ANAPC4: variants seen among roughly 807,000 people sequenced by gnomAD.
The protein encoded by ANAPC4 is anaphase promoting complex subunit 4, also known as anaphase-promoting complex subunit 4.
In ANAPC4, 63 loss-of-function variants were observed where a neutral mutation model predicts 119.8. That is an observed-to-expected ratio of 0.53 (90% confidence interval 0.43 to 0.65). The LOEUF is 0.65. ANAPC4 is among the 30% of genes least tolerant of loss of function. The probability of loss-of-function intolerance (pLI) is 0.00; values close to 1 mark genes in which losing one functional copy is unlikely to be tolerated. For synonymous variants in ANAPC4, 283 were observed against 318.6 expected (o/e 0.89, Z 1.19); for missense variants, 716 against 945.1 (o/e 0.76, Z 3.18).
chr4:25,393,866 A>G lies in ANAPC4; in HGVS notation c.851A>G (p.Asp284Gly). The G allele has an allele frequency of 1.9e-6, 3 of 1,611,308 alleles. No homozygotes were observed. The highest frequency in any genetic ancestry group is 2.5e-6 in the Non-Finnish European group (3 of 1,178,620). ...EAWEEILMQM[D>G]SRLTKFVQEK... Reference sequence around the variant, plus strand: ...TGGGAAGAAATACTAATGCAGATGGATTCTCGTCTCACCAAGTTTGTGCAG... The same window carrying G: ...TGGGAAGAAATACTAATGCAGATGGGTTCTCGTCTCACCAAGTTTGTGCAG... Residue 284 changes from aspartate to glycine, a missense_variant, in exon 11 of 29, where the codon GAT becomes GGT. Asp to Gly is a moderately conservative substitution (Grantham distance 94, BLOSUM62 -1). Transcript: ENST00000315368.
intron 16 of ANAPC4, among the ~76,000 whole-genome samples, chr4:25,397,508 A>T (rs1722722922): frequency 6.6e-6 from 1 of 152,156 alleles, no homozygotes; most frequent in African/African-American, 2.4e-5. Flanking sequence ...TGGCTTATTT[A>T]ATCATTTTGC....
At position 25,390,988 on chromosome 4, in the gene ANAPC4, T is replaced by C. The variant is rs530620844; in HGVS notation, c.678T>C (p.Asn226=). The C allele has an allele frequency of 6.2e-7, 1 of 1,613,414 alleles. No individual in the cohort carries two copies. The highest frequency in any genetic ancestry group is 1.1e-5 in the South Asian group (1 of 91,046). ...SLSVVTEVST[N]GASEVSYFQL... ...CAGTGGTCACAGAAGTCTCTACCAATGGTGCTTCAGAAGTTTCATACTTTC... is the reference window on the plus strand; with the variant it reads ...CAGTGGTCACAGAAGTCTCTACCAACGGTGCTTCAGAAGTTTCATACTTTC... The change falls in exon 9 of 29, where the codon AAT becomes AAC. Residue 226 remains asparagine, a synonymous_variant. Transcript: ENST00000315368.
intron 19 of ANAPC4, 106 bp downstream of exon 19, chr4:25,406,991 C>A: frequency 1.0e-6 from 1 of 994,994 alleles, no homozygotes; most frequent in Admixed American, 3.0e-5. Context: ...AAGTCTATAG[C>A]AATTACTTTT....
chr4:25,385,417 G>C (rs1721977798), intron 4 of ANAPC4, among the ~76,000 whole-genome samples: 1 of 152,162 alleles, frequency 6.6e-6, no homozygotes, highest in Non-Finnish European at 1.5e-5. Flanking sequence ...CAGTGATTTA[G>C]CTGGAAGTTC....
rs552431103 is a variant in ANAPC4 at position 25,407,310 on chromosome 4, G to A, written c.1431+57G>A. 57 of 1,390,370 alleles carry A rather than the reference G, an allele frequency of 4.1e-5. No individual in the cohort carries two copies. In the South Asian group the frequency reaches 7.2e-4, roughly 17 times the overall value. 86.1% of individuals were successfully genotyped at this position (1,390,370 alleles called of 1,614,324 possible). On this transcript the variant is annotated intron_variant, in intron 20 of 28. Coordinates refer to ENST00000315368, the MANE Select transcript of ANAPC4 (RefSeq NM_013367.3). ...GCAGTGTTCATCTTTGTTATCCAAA[G>A]TCTCTGGAAAGAATTACAATACCAA...
chr4:25,411,863 A>G (rs1446791912), intron 21 of ANAPC4, among the ~76,000 whole-genome samples: 1 of 152,156 alleles, frequency 6.6e-6, no homozygotes, highest in Non-Finnish European at 1.5e-5. Flanking sequence ...ACACCAACCA[A>G]TTTTGACACC....
rs1724002370 is a variant in ANAPC4, at chr4:25,418,425, C to T, written c.*43C>T. ...GTGTGTGTAATTATGGCCAAAAGGA[C>T]ATAGGAGATGGACTAAGATGTCTTG... On this transcript the variant is annotated 3_prime_UTR_variant, in exon 29 of 29. Transcript: ENST00000315368. The T allele has an allele frequency of 6.4e-7, 1 of 1,550,412 alleles. No individual in the cohort carries two copies. The highest frequency in any genetic ancestry group is 1.1e-5 in the South Asian group (1 of 88,276).
intron 20 of ANAPC4, among the ~76,000 whole-genome samples, chr4:25,408,980 G>A (rs993115834): frequency 3.3e-5 from 5 of 152,132 alleles, no homozygotes; most frequent in Admixed American, 1.3e-4. Context: ...ATGAGTATGT[G>A]GCAGAAAAAG....
chr4:25,381,571 T>C (rs1397469435), intron 3 of ANAPC4, among the ~76,000 whole-genome samples: 1 of 152,078 alleles, frequency 6.6e-6, no homozygotes, highest in Non-Finnish European at 1.5e-5. Flanking sequence ...CTTGGCCTAC[T>C]ACAGTGTGGG....
intron 16 of ANAPC4, among the ~76,000 whole-genome samples, chr4:25,402,625 T>C (rs1723037988): frequency 6.6e-6 from 1 of 152,218 alleles, no homozygotes; most frequent in African/African-American, 2.4e-5. Flanking sequence ...ATGAGAATAA[T>C]GCTGAAAACT....
chr4:25,391,123 A>C (rs74723419), intron 9 of ANAPC4, 108 bp downstream of exon 9: 5 of 768,068 alleles, frequency 6.5e-6, no homozygotes, highest in African/African-American at 5.3e-5. Context: ...AAAATAATGC[A>C]AAAAAATCGA....
chr4:25,416,620 C>T, intron 27 of ANAPC4, 22 bp downstream of exon 27: 2 of 1,470,516 alleles, frequency 1.4e-6, no homozygotes, highest in Non-Finnish European at 1.8e-6. Context: ...CATTGTCTTT[C>T]TGATATTACA....
At chr4:25,380,301 G>A in intron 2 of ANAPC4, 73 bp from the exon 3 acceptor site, 1 of 1,204,928 alleles carries the variant, frequency 8.3e-7, no homozygotes, top group Non-Finnish European at 1.2e-6. Flanking sequence ...AAAATTTTTA[G>A]TAGGGATCTA....
chr4:25,388,781 C>G, intron 6 of ANAPC4, 38 bp downstream of exon 6: 1 of 1,602,820 alleles, frequency 6.2e-7, no homozygotes, highest in Non-Finnish European at 8.5e-7. Flanking sequence ...GTAAGATAAT[C>G]TGCTATTATT....
At chr4:25,386,709 G>T (rs1460778700) in intron 4 of ANAPC4, among the ~76,000 whole-genome samples, 1 of 152,200 alleles carries the variant, frequency 6.6e-6, no homozygotes, top group Non-Finnish European at 1.5e-5. Flanking sequence ...CAATAGACTT[G>T]CTTGGCTGAT....
chr4:25,416,428 C>T lies in ANAPC4; in HGVS notation c.1905C>T (p.Ile635=). ...YATTEKVRRS[I]YSCLDAQFYD... ...ACAAAACTTATTTTAATTCTAGCAT[C>T]TACAGTTGTTTAGATGCACAGTTTT... The change falls in exon 27 of 29, where the codon ATC becomes ATT. Residue 635 remains isoleucine, a synonymous_variant. Coordinates refer to ENST00000315368, the MANE Select transcript of ANAPC4 (RefSeq NM_013367.3). 1 of 1,526,644 alleles carries T rather than the reference C, an allele frequency of 6.6e-7. No homozygotes were observed. The highest frequency in any genetic ancestry group is 1.3e-5 in the South Asian group (1 of 77,784). The allele number at this position is 1,526,644 out of a possible 1,614,324, so 94.6% of individuals were successfully genotyped here.
chr4:25,391,106 G>T, intron 9 of ANAPC4, 91 bp downstream of exon 9: 7 of 931,376 alleles, frequency 7.5e-6, no homozygotes, highest in East Asian at 5.2e-5. Context: ...GTATTGTAAT[G>T]ATCATTAAAA....
chr4:25,385,924 T>C (rs1722005243), intron 4 of ANAPC4, among the ~76,000 whole-genome samples: 1 of 152,090 alleles, frequency 6.6e-6, no homozygotes, highest in African/African-American at 2.4e-5. Flanking sequence ...AAAATTTATT[T>C]TTATTTATTT....
chr4:25,394,230 C>G (rs1368669375), intron 11 of ANAPC4, 80 bp from the exon 12 acceptor site: 1 of 1,150,132 alleles, frequency 8.7e-7, no homozygotes, highest in Non-Finnish European at 1.2e-6. Context: ...GAAAGGGAGT[C>G]ATGCTCCTAT....
Sources: gnomAD v4.1 joint callset for allele counts (sites outside exome capture counted in the v4.1 genomes callset) on GRCh38, gnomAD v4.1.1 for gene constraint, MANE v1.5 for transcripts, NCBI Gene and HGNC (gene_info 2026-07-23, HGNC 2026-07-21) for gene names.